The following NEK5 variants were observed in gnomAD, a reference collection of about 807,000 sequenced individuals.
NEK5 encodes the protein serine/threonine-protein kinase Nek5.
In NEK5, 88 loss-of-function variants were observed where a neutral mutation model predicts 109.2. That is an observed-to-expected ratio of 0.81 (90% CI 0.68 to 0.96). NEK5 has a LOEUF of 0.96. Among genes scored for constraint, NEK5 ranks in the 40% least tolerant of loss-of-function variants. The pLI, the probability that NEK5 is intolerant of heterozygous loss-of-function variation, is 0.00. For synonymous variants in NEK5, 283 were observed against 299.9 expected, an observed-to-expected ratio of 0.94 and a Z score of 0.58; for missense variants, 834 against 920.7, an observed-to-expected ratio of 0.91 and a Z score of 1.22.
chr13:52,098,698 T>C (rs9535862), intron 12 of NEK5, among the ~76,000 whole-genome samples: 63,196 of 152,040 alleles, frequency 0.42, 15,058 homozygotes, highest in Non-Finnish European at 0.54. Context: ...TACTCACTTT[T>C]CCTATACAGA....
intron 1 of NEK5, among the ~76,000 whole-genome samples, chr13:52,128,303 T>C (rs1264593194): frequency 6.6e-6 from 1 of 152,156 alleles, no homozygotes. Flanking sequence ...CGCGCTTCAC[T>C]GGCCACGCTG....
Position 52,083,262 on chromosome 13 carries a change from G to A in NEK5, c.1570C>T (p.Gln524Ter). 6.2e-7 allele frequency: 1 copy of A among 1,602,114 alleles called. No individual in the cohort carries two copies. Among genetic ancestry groups the A allele is most frequent in the South Asian group, 1.1e-5 (1 of 90,844 alleles). ...QDASEGEAPV[Q>*]DIEKDLKQMR... ...CATCTGATCATAGCCATCATTACCT[G>A]CACAGGTGCTTCTCCCTCAGATGCA... The change falls in exon 17 of 24, where the codon CAG (glutamine) becomes TAG (stop). Residue 524 changes from glutamine (Q) to a stop codon, truncating the protein, a stop_gained and splice_region_variant. Transcript: ENST00000684899. LOFTEE classifies it high-confidence loss of function.
intron 20 of NEK5, among the ~76,000 whole-genome samples, chr13:52,069,117 T>A (rs1954742474): frequency 6.6e-6 from 1 of 151,578 alleles, no homozygotes; most frequent in Non-Finnish European, 1.5e-5. Context: ...CTGATGAAGG[T>A]TTTTTTTTCT....
intron 13 of NEK5, among the ~76,000 whole-genome samples, chr13:52,090,062 C>T (rs981396357): frequency 2.0e-5 from 3 of 152,204 alleles, no homozygotes; most frequent in Non-Finnish European, 2.9e-5. Flanking sequence ...ATGTGTCCCT[C>T]CATCCATCCC....
chr13:52,065,590 TAC>T lies in NEK5; in HGVS notation c.1867_1868del (p.Val623SerfsTer35). 1 of 1,613,698 alleles carries T rather than the reference TAC, an allele frequency of 6.2e-7. No individual in the cohort carries two copies. The highest frequency in any genetic ancestry group is 8.5e-7 in the Non-Finnish European group (1 of 1,179,610). ...ACTGCCTCCTGTTTCCCACAGCAGC[TAC>T]AGTCTGCGTGGAAAACCCTGGGTGT... ...CPEAGFSTQT[V>X]AAVGNRRQWD... On this transcript the variant is annotated frameshift_variant, in exon 21 of 24. Transcript: ENST00000684899. LOFTEE classifies it high-confidence loss of function.
At chr13:52,090,462 A>C (rs1474186278) in intron 13 of NEK5, among the ~76,000 whole-genome samples, 5 of 152,210 alleles carry the variant, frequency 3.3e-5, no homozygotes, top group African/African-American at 1.2e-4. Flanking sequence ...TTTGAGTCTT[A>C]GTTCCTCAGC....
At chr13:52,110,627 A>G in intron 5 of NEK5, 50 bp from the exon 6 acceptor site, 1 of 1,089,772 alleles carries the variant, frequency 9.2e-7, no homozygotes. Flanking sequence ...GTAGTCACTG[A>G]AATGTCTTCA....
At chr13:52,101,387 G>A (rs545129077) in intron 11 of NEK5, among the ~76,000 whole-genome samples, 10 of 151,940 alleles carry the variant, frequency 6.6e-5, no homozygotes, top group Non-Finnish European at 1.3e-4. Context: ...GCGACAGAGC[G>A]AGACTCCGTC....
At chr13:52,088,427 G>C (rs1032801029) in intron 14 of NEK5, among the ~76,000 whole-genome samples, 2 of 150,966 alleles carry the variant, frequency 1.3e-5, no homozygotes, top group African/African-American at 4.9e-5. Context: ...GCTAATTTTT[G>C]TATTTTTAGT....
intron 11 of NEK5, 125 bp downstream of exon 11, chr13:52,101,808 G>T: frequency 1.3e-6 from 1 of 791,580 alleles, no homozygotes; most frequent in Admixed American, 2.1e-5. Flanking sequence ...TTTTTCTCCT[G>T]CTTATACTGC....
chr13:52,056,707 T>C (rs1448281379), intron 22 of NEK5, among the ~76,000 whole-genome samples: 2 of 151,724 alleles, frequency 1.3e-5, no homozygotes, highest in African/African-American at 2.4e-5. Context: ...AGTGGGTACA[T>C]AACGATATGA....
At chr13:52,077,460 T>TGGTGCGGGGATGGGGAACTGAAGA (rs1276692326) in intron 17 of NEK5, among the ~76,000 whole-genome samples, 1 of 152,094 alleles carries the variant, frequency 6.6e-6, no homozygotes, top group South Asian at 2.1e-4. Flanking sequence ...TTGCAAGCCA[T>TGGTGCGGGGATGGGGAACTGAAGA]GGTGCGGGGA....
At chr13:52,084,559 G>A (rs886145669) in intron 16 of NEK5, among the ~76,000 whole-genome samples, 4 of 151,910 alleles carry the variant, frequency 2.6e-5, no homozygotes, top group Non-Finnish European at 5.9e-5. Context: ...ATTTTTTTGA[G>A]ACCGAGTCTT....
intron 12 of NEK5, among the ~76,000 whole-genome samples, chr13:52,098,403 CACTT>C (rs1226851427): frequency 1.2e-4 from 18 of 150,448 alleles, no homozygotes; most frequent in African/African-American, 4.1e-4. Flanking sequence ...ATCAAGTAAA[CACTT>C]AGTAAATACA....
intron 20 of NEK5, among the ~76,000 whole-genome samples, chr13:52,066,221 T>A (rs1954688765): frequency 6.6e-6 from 1 of 152,210 alleles, no homozygotes; most frequent in Non-Finnish European, 1.5e-5. Flanking sequence ...GCAATCATAA[T>A]ATTCTGCTTT....
chr13:52,066,648 A>G (rs1409458027), intron 20 of NEK5, among the ~76,000 whole-genome samples: 1 of 152,024 alleles, frequency 6.6e-6, no homozygotes, highest in Non-Finnish European at 1.5e-5. Context: ...TATCAAAAAT[A>G]TAAAAATTAG....
chr13:52,116,922 CTTTTTTTTTTT>C (rs879560785), intron 4 of NEK5, among the ~76,000 whole-genome samples: 33 of 143,982 alleles, frequency 2.3e-4, no homozygotes, highest in African/African-American at 7.8e-4. Flanking sequence ...ATCCTATTTT[CTTTTTTTTTTT>C]TTGAGACAGA....
rs1168405868 is a variant in NEK5 at position 52,061,862 on chromosome 13, T to G, written c.2067A>C (p.Ala689=). The G allele has an allele frequency of 1.0e-6, 1 of 985,742 alleles. No homozygotes were observed. The highest frequency in any genetic ancestry group is 1.2e-6 in the Non-Finnish European group (1 of 829,906). 61.1% of individuals were successfully genotyped at this position (985,742 alleles called of 1,614,324 possible). A position where few individuals can be genotyped will look rare whatever the true frequency, so the allele number is the denominator to read the frequency against. ...AAAATGAGCTACTCGTTAGATGTGC[T>G]GCTGCCAAAACACTCATTAAAGTTC... ...APGTLMSVLA[A]AHLTSSSFSA... Residue 689 remains alanine (A), a synonymous_variant, in exon 22 of 24, where the codon GCA becomes GCC. Coordinates refer to ENST00000684899, the MANE Select transcript of NEK5 (RefSeq NM_001365552.1).
At chr13:52,123,422 G>T (rs1956007552) in intron 3 of NEK5, among the ~76,000 whole-genome samples, 2 of 152,152 alleles carry the variant, frequency 1.3e-5, no homozygotes, top group Admixed American at 1.3e-4. Context: ...GCTATGAAAT[G>T]CAGTAATGTT....
Sources: gnomAD v4.1 joint callset for allele counts (sites outside exome capture counted in the v4.1 genomes callset) on GRCh38, gnomAD v4.1.1 for gene constraint, MANE v1.5 for transcripts, NCBI Gene and HGNC (gene_info 2026-07-23, HGNC 2026-07-21) for gene names.